The following ICOS variants were observed in gnomAD, a reference collection of about 807,000 sequenced individuals.
ICOS encodes inducible T-cell costimulator.
ICOS carries 15 observed loss-of-function variants against 24.6 expected under a neutral mutation model. That is an observed-to-expected ratio of 0.61 (90% CI 0.41 to 0.94). The LOEUF (loss-of-function observed/expected upper bound fraction) is 0.94. Ranked by LOEUF, ICOS falls within the 40% of genes least tolerant of loss-of-function variation. The probability of loss-of-function intolerance (pLI) is 0.00; values close to 1 mark genes in which losing one functional copy is unlikely to be tolerated. For missense variants in ICOS, 200 were observed against 233.0 expected (o/e 0.86, Z 0.92); for synonymous variants, 89 against 77.5 (o/e 1.15, Z -0.78).
At chr2:203,941,419 T>C (rs563288291) in intron 1 of ICOS, among the ~76,000 whole-genome samples, 2 of 152,316 alleles carry the variant, frequency 1.3e-5, no homozygotes, top group Admixed American at 1.3e-4. Context: ...AATGCAGGCA[T>C]GTAGGGGGGA....
intron 2 of ICOS, 117 bp downstream of exon 2, chr2:203,956,088 G>A: frequency 1.5e-6 from 1 of 677,592 alleles, no homozygotes. Context: ...TCACTTAGAT[G>A]CAGTTGATGG....
intron 1 of ICOS, among the ~76,000 whole-genome samples, chr2:203,951,006 G>A (rs1022971240): frequency 6.6e-6 from 1 of 151,802 alleles, no homozygotes; most frequent in Non-Finnish European, 1.5e-5. Flanking sequence ...GTTGCAGTGA[G>A]CTGAGATTGC....
rs1690148058 is a variant in ICOS at position 203,959,934 on chromosome 2, A to G, written c.*335A>G. On this transcript the variant is annotated 3_prime_UTR_variant, in exon 5 of 5. Coordinates refer to ENST00000316386, the MANE Select transcript of ICOS (RefSeq NM_012092.4). ...TAAAACAAACACATTTACAAGAAAA[A>G]TGTTTTAAAGATGCCAGGGGTACTG... 2.4e-6 allele frequency: 1 copy of G among 417,436 alleles called. No homozygotes were observed. The highest frequency in any genetic ancestry group is 4.5e-6 in the Non-Finnish European group (1 of 222,228). 25.9% of individuals were successfully genotyped at this position (417,436 alleles called of 1,614,324 possible). A position where few individuals can be genotyped will look rare whatever the true frequency, so the allele number is the denominator to read the frequency against.
Position 203,960,543 on chromosome 2 carries a change from G to A in ICOS, c.*944G>A, listed in dbSNP as rs1208825208. ...CTACCATTATCTATGTTTTCATGGT[G>A]CTATTAATTACAAGTTTAGTTCTTT... On this transcript the variant is annotated 3_prime_UTR_variant, in exon 5 of 5. Coordinates refer to ENST00000316386, the MANE Select transcript of ICOS (RefSeq NM_012092.4). 2.0e-5 allele frequency: 3 copies of A among 152,122 alleles called. No homozygotes were observed. Among genetic ancestry groups the A allele is most frequent in the Non-Finnish European group, 4.4e-5 (3 of 68,036 alleles). The allele number at this position is 152,122 out of a possible 1,614,324, so 9.4% of individuals were successfully genotyped here.
chr2:203,946,576 C>T (rs574819678), intron 1 of ICOS, among the ~76,000 whole-genome samples: 1 of 152,100 alleles, frequency 6.6e-6, no homozygotes, highest in African/African-American at 2.4e-5. Flanking sequence ...ATATAAAAAT[C>T]TACTAACCAG....
intron 1 of ICOS, among the ~76,000 whole-genome samples, chr2:203,951,351 C>T (rs979280740): frequency 2.0e-5 from 3 of 152,204 alleles, no homozygotes; most frequent in African/African-American, 7.2e-5. Context: ...TGTTTGCAGT[C>T]TTATCTGGAT....
chr2:203,950,529 A>G (rs1689950347), intron 1 of ICOS, among the ~76,000 whole-genome samples: 1 of 152,210 alleles, frequency 6.6e-6, no homozygotes, highest in Non-Finnish European at 1.5e-5. Context: ...AGGGGGACAA[A>G]CATTCAAGCT....
At chr2:203,947,609 A>G (rs1457450505) in intron 1 of ICOS, among the ~76,000 whole-genome samples, 1 of 152,164 alleles carries the variant, frequency 6.6e-6, no homozygotes, top group Non-Finnish European at 1.5e-5. Flanking sequence ...CCCGGCCTAT[A>G]AAAATTATTG....
chr2:203,936,795 G>A lies in ICOS; in HGVS notation c.-20G>A, dbSNP rs372860139. 1.5e-4 allele frequency: 240 copies of A among 1,608,226 alleles called. 1 individual carries two copies. The African/African-American group carries it at 3.0e-3, about 20-fold the overall frequency. On this transcript the variant is annotated 5_prime_UTR_variant, in exon 1 of 5. Coordinates refer to ENST00000316386, the MANE Select transcript of ICOS (RefSeq NM_012092.4). Reference sequence around the variant, plus strand: ...GCTTTGAACACTGAACGCGAGGACTGTTAACTGTTTCTGGCAAACATGAAG... The same window carrying A: ...GCTTTGAACACTGAACGCGAGGACTATTAACTGTTTCTGGCAAACATGAAG...
chr2:203,938,955 A>G (rs932257094), intron 1 of ICOS, among the ~76,000 whole-genome samples: 5 of 152,232 alleles, frequency 3.3e-5, no homozygotes, highest in Admixed American at 6.5e-5. Context: ...CAATGCATGT[A>G]TCCAGAAACT....
At chr2:203,956,025 C>A in intron 2 of ICOS, 54 bp downstream of exon 2, 1 of 1,210,774 alleles carries the variant, frequency 8.3e-7, no homozygotes, top group Non-Finnish European at 1.2e-6. Flanking sequence ...GTTTTGACAA[C>A]TTTTCTCACT....
chr2:203,939,577 A>G (rs1689727458), intron 1 of ICOS, among the ~76,000 whole-genome samples: 1 of 152,180 alleles, frequency 6.6e-6, no homozygotes, highest in Admixed American at 6.5e-5. Context: ...GGAAGGGCTG[A>G]TGGCAGAGGG....
intron 1 of ICOS, among the ~76,000 whole-genome samples, chr2:203,951,527 A>T (rs939667822): frequency 2.0e-5 from 3 of 152,214 alleles, no homozygotes; most frequent in African/African-American, 7.2e-5. Context: ...TTTCCTTGGG[A>T]TCCACTGCAA....
intron 1 of ICOS, among the ~76,000 whole-genome samples, chr2:203,949,233 AG>A (rs1023295398): frequency 6.6e-5 from 10 of 152,234 alleles, no homozygotes; most frequent in African/African-American, 2.4e-4. Context: ...GCTGGAAATT[AG>A]GCGTTCTTCC....
chr2:203,939,953 A>C (rs1465371394), intron 1 of ICOS, among the ~76,000 whole-genome samples: 1 of 151,958 alleles, frequency 6.6e-6, no homozygotes, highest in African/African-American at 2.4e-5. Flanking sequence ...ATGTTTATTT[A>C]CTACTTATTT....
chr2:203,953,911 A>G (rs1173397888), intron 1 of ICOS, among the ~76,000 whole-genome samples: 2 of 152,220 alleles, frequency 1.3e-5, no homozygotes, highest in Admixed American at 6.5e-5. Context: ...GCTATAAATA[A>G]TAAGTATGTT....
Position 203,959,614 on chromosome 2 carries a change from A to G in ICOS, c.*15A>G, listed in dbSNP as rs754797113. ...TGACCCTATAATATGGAACTCTGGC[A>G]CCCAGGCATGAAGCACGTTGGCCAG... On this transcript the variant is annotated 3_prime_UTR_variant, in exon 5 of 5. Transcript: ENST00000316386. The G allele has an allele frequency of 1.9e-6, 3 of 1,612,640 alleles. No homozygotes were observed. The highest frequency in any genetic ancestry group is 2.5e-6 in the Non-Finnish European group (3 of 1,178,900).
At chr2:203,951,418 T>G (rs1689971084) in intron 1 of ICOS, among the ~76,000 whole-genome samples, 1 of 152,216 alleles carries the variant, frequency 6.6e-6, no homozygotes, top group African/African-American at 2.4e-5. Flanking sequence ...TAAGATGTTT[T>G]TGTTTCACTT....
chr2:203,951,636 C>CGGAAGTA (rs1204710163), intron 1 of ICOS, among the ~76,000 whole-genome samples: 1 of 152,132 alleles, frequency 6.6e-6, no homozygotes, highest in Non-Finnish European at 1.5e-5. Flanking sequence ...AAATCATCTT[C>CGGAAGTA]GGAAGTAGAA....
Sources: gnomAD v4.1 joint callset for allele counts (sites outside exome capture counted in the v4.1 genomes callset) on GRCh38, gnomAD v4.1.1 for gene constraint, MANE v1.5 for transcripts, NCBI Gene and HGNC (gene_info 2026-07-23, HGNC 2026-07-21) for gene names.